ARHGAP22: variants seen among roughly 807,000 people sequenced by gnomAD.
ARHGAP22 encodes rho GTPase-activating protein 22.
A neutral mutation model predicts 59.1 loss-of-function variants in ARHGAP22; 48 were observed. That is an observed-to-expected ratio of 0.81 (90% CI 0.64 to 1.03). The LOEUF (loss-of-function observed/expected upper bound fraction) is 1.03, where lower values mean the gene tolerates loss of function less well. Among genes scored for constraint, ARHGAP22 ranks in the 50% least tolerant of loss-of-function variants. The probability of loss-of-function intolerance (pLI) is 0.00; values close to 1 mark genes in which losing one functional copy is unlikely to be tolerated. For synonymous variants in ARHGAP22, 445 were observed against 416.4 expected (o/e 1.07, Z -0.84); for missense variants, 1,015 against 958.7 (o/e 1.06, Z -0.78).
chr10:48,537,761 G>GA (rs2055511064), intron 3 of ARHGAP22, among the ~76,000 whole-genome samples: 2 of 152,224 alleles, frequency 1.3e-5, no homozygotes, highest in South Asian at 4.1e-4. Flanking sequence ...AGCGGCACCG[G>GA]AAGTCCCAGG....
chr10:48,491,980 A>G (rs986442783), intron 3 of ARHGAP22, among the ~76,000 whole-genome samples: 1 of 152,200 alleles, frequency 6.6e-6, no homozygotes, highest in Admixed American at 6.5e-5. Context: ...GATTCCAGCC[A>G]GGCTTTCTCC....
intron 2 of ARHGAP22, among the ~76,000 whole-genome samples, chr10:48,556,833 G>A (rs1358708042): frequency 6.6e-6 from 1 of 152,132 alleles, no homozygotes; most frequent in East Asian, 1.9e-4. Context: ...ACCCAGGTGA[G>A]GGGCAAAGTC....
chr10:48,531,212 G>A (rs1446759387), intron 3 of ARHGAP22, among the ~76,000 whole-genome samples: 1 of 152,184 alleles, frequency 6.6e-6, no homozygotes, highest in Non-Finnish European at 1.5e-5. Flanking sequence ...ATAATTGGGA[G>A]CTAAGTTATG....
intron 1 of ARHGAP22, among the ~76,000 whole-genome samples, chr10:48,626,988 T>C (rs79800741): frequency 0.013 from 1,932 of 152,212 alleles, 46 homozygotes; most frequent in African/African-American, 0.044. Context: ...CAATGACCAA[T>C]GATTTGATTA....
chr10:48,613,777 G>C (rs887238166), intron 1 of ARHGAP22, among the ~76,000 whole-genome samples: 1 of 152,130 alleles, frequency 6.6e-6, no homozygotes, highest in Non-Finnish European at 1.5e-5. Context: ...TTAAGGAAGT[G>C]CTATGGTTTG....
chr10:48,576,465 A>T (rs897606995), intron 2 of ARHGAP22, among the ~76,000 whole-genome samples: 1 of 152,242 alleles, frequency 6.6e-6, no homozygotes, highest in Non-Finnish European at 1.5e-5. Context: ...AGATAGTCTC[A>T]ACGTGAGAAA....
intron 3 of ARHGAP22, among the ~76,000 whole-genome samples, chr10:48,483,127 T>C (rs1448186852): frequency 6.6e-6 from 1 of 152,228 alleles, no homozygotes; most frequent in East Asian, 1.9e-4. Flanking sequence ...TATGGCCGAA[T>C]AGTATAACAT....
At position 48,550,466 on chromosome 10, in the gene ARHGAP22, G is replaced by A. The variant is rs1213762084; in HGVS notation, c.322+4997C>T. ...TCCATTTCCCAGACTCTCTTGCTCC[G>A]AGGTGTAGCCATGCAACTGCATTCT... On this transcript the variant is annotated intron_variant, in intron 3 of 9. Transcript: ENST00000249601. Among the ~76,000 whole-genome samples the A allele has an allele frequency of 3.3e-5, 5 of 152,292 alleles. No homozygotes were observed. In the East Asian group the frequency reaches 5.8e-4, roughly 18 times the overall value.
chr10:48,542,533 G>A (rs955822246), intron 3 of ARHGAP22, among the ~76,000 whole-genome samples: 19 of 152,136 alleles, frequency 1.2e-4, no homozygotes, highest in African/African-American at 4.1e-4. Context: ...GGGTTTTCCT[G>A]GCTCCCTCCT....
intron 2 of ARHGAP22, among the ~76,000 whole-genome samples, chr10:48,563,259 T>A (rs898785510): frequency 7.1e-6 from 1 of 141,362 alleles, no homozygotes; most frequent in African/African-American, 2.6e-5. Context: ...AGTGGCGCAA[T>A]CTTGGCTCAC....
intron 4 of ARHGAP22, among the ~76,000 whole-genome samples, chr10:48,476,191 G>A (rs527964787): frequency 3.7e-4 from 57 of 152,312 alleles, no homozygotes; most frequent in African/African-American, 5.5e-4. Context: ...GAACATTTGC[G>A]AGTCCATTGC....
At chr10:48,512,657 C>T (rs1180649281) in intron 3 of ARHGAP22, among the ~76,000 whole-genome samples, 1 of 152,266 alleles carries the variant, frequency 6.6e-6, no homozygotes, top group South Asian at 2.1e-4. Context: ...GTGAGACATC[C>T]CAATTTACAG....
At chr10:48,592,946 C>G in intron 1 of ARHGAP22, among the ~76,000 whole-genome samples, 1 of 152,260 alleles carries the variant, frequency 6.6e-6, no homozygotes, top group East Asian at 1.9e-4. Context: ...CCTGAGCTCG[C>G]TCAGAGCAAC....
chr10:48,502,717 G>A (rs931563010), intron 3 of ARHGAP22, among the ~76,000 whole-genome samples: 4 of 152,162 alleles, frequency 2.6e-5, no homozygotes, highest in Admixed American at 6.5e-5. Context: ...TTCCCCAACC[G>A]TTGCCCTTCA....
chr10:48,443,027 T>G (rs2045238600), downstream of ARHGAP22, among the ~76,000 whole-genome samples: 1 of 152,136 alleles, frequency 6.6e-6, no homozygotes, highest in Non-Finnish European at 1.5e-5. Context: ...GCTTGGAAAC[T>G]GCTGTGTTCT....
At chr10:48,524,263 G>C in intron 3 of ARHGAP22, 1 of 244,286 alleles carries the variant, frequency 4.1e-6, no homozygotes, top group Non-Finnish European at 6.6e-6. Context: ...ACTCCACCGC[G>C]GCCCCGCGCA....
intron 1 of ARHGAP22, among the ~76,000 whole-genome samples, chr10:48,595,334 G>A (rs1256830153): frequency 6.6e-6 from 1 of 152,134 alleles, no homozygotes; most frequent in Non-Finnish European, 1.5e-5. Context: ...TATTGGAAGG[G>A]CACTCTGGAG....
intron 3 of ARHGAP22, among the ~76,000 whole-genome samples, chr10:48,526,781 C>T (rs2054363043): frequency 6.6e-6 from 1 of 152,216 alleles, no homozygotes; most frequent in South Asian, 2.1e-4. Flanking sequence ...GGGTCAACGT[C>T]CCCATTGAAC....
intron 1 of ARHGAP22, among the ~76,000 whole-genome samples, chr10:48,621,774 C>T (rs1390947672): frequency 6.6e-6 from 1 of 152,154 alleles, no homozygotes; most frequent in Non-Finnish European, 1.5e-5. Flanking sequence ...TATTGTTGCA[C>T]CATTTATTTC....
Sources: allele counts gnomAD v4.1 joint callset (sites outside exome capture counted in the v4.1 genomes callset), GRCh38; gene constraint gnomAD v4.1.1; transcripts MANE v1.5; gene names NCBI Gene and HGNC (gene_info 2026-07-23, HGNC 2026-07-21).